PAICS: variants seen among roughly 807,000 people sequenced by gnomAD.
PAICS encodes phosphoribosylaminoimidazole carboxylase and phosphoribosylaminoimidazolesuccinocarboxamide synthase.
A neutral mutation model predicts 53.7 loss-of-function variants in PAICS; 33 were observed. The ratio of observed to expected loss-of-function variants is 0.61; its 90% confidence interval spans 0.47 to 0.82. The LOEUF (loss-of-function observed/expected upper bound fraction) is 0.82. Among genes scored for constraint, PAICS ranks in the 40% least tolerant of loss-of-function variants. PAICS has a pLI of 0.00. For missense variants in PAICS, 394 were observed against 494.1 expected, an observed-to-expected ratio of 0.80 and a Z score of 1.92; for synonymous variants, 141 against 167.2, an observed-to-expected ratio of 0.84 and a Z score of 1.21.
In PAICS at chr4:56,448,616, C is replaced by T. The variant is rs1248279556; in HGVS notation, c.573+19C>T. On this transcript the variant is annotated intron_variant, in intron 4 of 8. Coordinates refer to ENST00000512576, the MANE Select transcript of PAICS (RefSeq NM_001079524.2). Reference sequence around the variant, plus strand: ...TATGAAGGTACAGATAAAACAAGTACAGATAAAACAACAGGATTTGAAAGT... The same window carrying T: ...TATGAAGGTACAGATAAAACAAGTATAGATAAAACAACAGGATTTGAAAGT... The T allele has an allele frequency of 5.1e-6, 8 of 1,557,838 alleles. No homozygotes were observed. Among genetic ancestry groups the T allele is most frequent in the Middle Eastern group, 1.7e-4 (1 of 5,922 alleles).
At chr4:56,438,012 T>C (rs913337360) in intron 1 of PAICS, among the ~76,000 whole-genome samples, 19 of 152,066 alleles carry the variant, frequency 1.2e-4, no homozygotes, top group Middle Eastern at 6.8e-3. Context: ...CGTTGGCAGG[T>C]TGATTTTTCT....
upstream of PAICS, chr4:56,435,319 A>C (rs775773081): frequency 3.1e-6 from 5 of 1,611,488 alleles, no homozygotes; most frequent in South Asian, 4.4e-5. Context: ...ATGGAGACGC[A>C]CGCCCCCGCC....
chr4:56,435,889 T>G (rs1322343618), upstream of PAICS: 1 of 1,480,528 alleles, frequency 6.8e-7, no homozygotes, highest in African/African-American at 1.4e-5. Flanking sequence ...AGCCTTCATA[T>G]GCCCTTCCCT....
the PAICS span, among the ~76,000 whole-genome samples, chr4:56,416,928 T>C: frequency 8.6e-3 from 1,303 of 152,240 alleles, 14 homozygotes; most frequent in African/African-American, 0.03. Context: ...CAGCTCACTG[T>C]AACCTCTGCC....
At chr4:56,432,344 A>G (rs1048867823), upstream of PAICS, among the ~76,000 whole-genome samples, 5 of 152,076 alleles carry the variant, frequency 3.3e-5, no homozygotes, top group African/African-American at 1.2e-4. Flanking sequence ...CCTGGTCAAC[A>G]TGGTGAAACC....
chr4:56,445,543 C>T (rs868555554), intron 2 of PAICS, among the ~76,000 whole-genome samples: 8 of 151,956 alleles, frequency 5.3e-5, no homozygotes, highest in African/African-American at 1.9e-4. Flanking sequence ...GCCAAGATCA[C>T]GCCACTGCAC....
At chr4:56,451,736 G>A in intron 6 of PAICS, 136 bp from the exon 7 acceptor site, 1 of 483,972 alleles carries the variant, frequency 2.1e-6, no homozygotes. Context: ...CTGTCTTTTT[G>A]TTGTTTGTCT....
At chr4:56,418,163 T>C in the PAICS span, among the ~76,000 whole-genome samples, 2 of 151,942 alleles carry the variant, frequency 1.3e-5, no homozygotes, top group South Asian at 2.1e-4. Context: ...GCAAACAAAA[T>C]GTTAATGTCA....
chr4:56,432,763 C>A (rs1717665570), upstream of PAICS, among the ~76,000 whole-genome samples: 1 of 146,152 alleles, frequency 6.8e-6, no homozygotes, highest in Non-Finnish European at 1.5e-5. Context: ...CCACCCCAGC[C>A]TGGGAGACAG....
the PAICS span, chr4:56,410,993 T>C: frequency 5.9e-6 from 5 of 841,040 alleles, no homozygotes; most frequent in African/African-American, 1.8e-5. Flanking sequence ...AGGACTTCTG[T>C]GGCCATATGA....
the PAICS span, chr4:56,419,897 A>G: frequency 2.0e-6 from 2 of 984,496 alleles, no homozygotes; most frequent in South Asian, 9.4e-5. Context: ...GAACAGCTCA[A>G]GATCTAGGCA....
chr4:56,411,109 TA>T, the PAICS span, among the ~76,000 whole-genome samples: 1 of 152,060 alleles, frequency 6.6e-6, no homozygotes, highest in Non-Finnish European at 1.5e-5. Context: ...ATTACCACTT[TA>T]AAAAAATCTG....
chr4:56,438,491 T>C (rs1452210936), intron 1 of PAICS, among the ~76,000 whole-genome samples: 2 of 151,346 alleles, frequency 1.3e-5, no homozygotes, highest in African/African-American at 4.9e-5. Context: ...TGGAGTGCAG[T>C]GGCAAGATCT....
chr4:56,432,581 C>G (rs1031160062), upstream of PAICS, among the ~76,000 whole-genome samples: 16 of 147,546 alleles, frequency 1.1e-4, no homozygotes, highest in Non-Finnish European at 2.1e-4. Flanking sequence ...GTCAGGAGAT[C>G]GAGACCATCC....
At chr4:56,432,573 C>T (rs1717648162), upstream of PAICS, among the ~76,000 whole-genome samples, 1 of 148,338 alleles carries the variant, frequency 6.7e-6, no homozygotes, top group Admixed American at 6.7e-5. Context: ...ATCACGAGGT[C>T]AGGAGATCGA....
At chr4:56,423,089 G>A in the PAICS span, 55 of 152,280 alleles carry the variant, frequency 3.6e-4, no homozygotes, top group African/African-American at 1.2e-3. Flanking sequence ...CCAAAACTGG[G>A]GAGGAGGAGA....
chr4:56,435,568 C>T (rs982173761), upstream of PAICS: 1 of 1,593,080 alleles, frequency 6.3e-7, no homozygotes, highest in African/African-American at 1.3e-5. Context: ...AGCTCAGAAG[C>T]TCGCGCTCGC....
the PAICS span, chr4:56,425,455 A>C: frequency 1.1e-6 from 1 of 880,162 alleles, no homozygotes; most frequent in Non-Finnish European, 1.4e-6. Flanking sequence ...GCTCAGACAT[A>C]GGTATGCTGC....
intron 3 of PAICS, among the ~76,000 whole-genome samples, chr4:56,447,935 T>C (rs1180964271): frequency 6.6e-6 from 1 of 151,824 alleles, no homozygotes; most frequent in Non-Finnish European, 1.5e-5. Flanking sequence ...GCTCAAGCGA[T>C]CCTCCTGCTT....
Sources: allele counts gnomAD v4.1 joint callset (sites outside exome capture counted in the v4.1 genomes callset), GRCh38; gene constraint gnomAD v4.1.1; transcripts MANE v1.5; gene names NCBI Gene and HGNC (gene_info 2026-07-23, HGNC 2026-07-21).